The following CDC40 variants were observed in gnomAD, a reference collection of about 807,000 sequenced individuals.
The protein encoded by CDC40 is pre-mRNA-processing factor 17.
A neutral mutation model predicts 80.6 loss-of-function variants in CDC40; 27 were observed. That is an observed-to-expected ratio of 0.33 (90% CI 0.25 to 0.46). CDC40 has a LOEUF of 0.46. CDC40 is among the 20% of genes least tolerant of loss of function. The pLI is 1.00. For synonymous variants in CDC40, 221 were observed against 232.6 expected (o/e 0.95, Z 0.45); for missense variants, 486 against 694.1 (o/e 0.70, Z 3.37).
chr6:110,181,791 C>T (rs1427337445), intron 1 of CDC40, among the ~76,000 whole-genome samples: 1 of 152,118 alleles, frequency 6.6e-6, no homozygotes, highest in African/African-American at 2.4e-5. Context: ...GAGTGATGTC[C>T]CAGGCCTTCC....
chr6:110,220,611 AT>A (rs1777760807), intron 12 of CDC40, among the ~76,000 whole-genome samples: 1 of 151,878 alleles, frequency 6.6e-6, no homozygotes, highest in Admixed American at 6.5e-5. Context: ...CGCCCGGCTA[AT>A]TTTTTGTATT....
chr6:110,223,060 G>T (rs1777798206), intron 12 of CDC40, among the ~76,000 whole-genome samples: 1 of 152,166 alleles, frequency 6.6e-6, no homozygotes. Flanking sequence ...TTCACACTCT[G>T]ATCAAACTGA....
At chr6:110,205,898 C>G (rs533625113) in intron 3 of CDC40, among the ~76,000 whole-genome samples, 14 of 152,038 alleles carry the variant, frequency 9.2e-5, no homozygotes, top group Non-Finnish European at 1.5e-4. Context: ...GGATTTGAAC[C>G]TGTGATTTCA....
chr6:110,221,535 C>G (rs1777775966), intron 12 of CDC40, among the ~76,000 whole-genome samples: 1 of 152,276 alleles, frequency 6.6e-6, no homozygotes, highest in South Asian at 2.1e-4. Flanking sequence ...TAAGATCTTT[C>G]TTAATTCAGA....
intron 3 of CDC40, among the ~76,000 whole-genome samples, chr6:110,202,635 A>G (rs1328713379): frequency 6.6e-6 from 1 of 152,218 alleles, no homozygotes; most frequent in East Asian, 1.9e-4. Flanking sequence ...TAAGGATTTA[A>G]AACTCTTCAG....
At chr6:110,204,659 C>CTTTTTTTT (rs55895216) in intron 3 of CDC40, among the ~76,000 whole-genome samples, 8 of 119,302 alleles carry the variant, frequency 6.7e-5, no homozygotes, top group African/African-American at 6.7e-5. Flanking sequence ...TCCTATTTCT[C>CTTTTTTTT]TTTTTTTTTT....
chr6:110,219,310 A>G (rs549975422), intron 10 of CDC40, 54 bp from the exon 11 acceptor site: 103 of 804,008 alleles, frequency 1.3e-4, no homozygotes, highest in Non-Finnish European at 2.0e-4. Flanking sequence ...TCTCACAGTC[A>G]TCTTTAAGTG....
At chr6:110,214,700 T>C (rs1000937067) in intron 8 of CDC40, among the ~76,000 whole-genome samples, 1 of 152,234 alleles carries the variant, frequency 6.6e-6, no homozygotes, top group Non-Finnish European at 1.5e-5. Context: ...TTGTTGAGAA[T>C]TGGATTCAAG....
chr6:110,197,133 G>C (rs545150606), intron 2 of CDC40, among the ~76,000 whole-genome samples: 1 of 152,228 alleles, frequency 6.6e-6, no homozygotes, highest in South Asian at 2.1e-4. Context: ...TCAGATCTCT[G>C]AGAGTTATCA....
intron 12 of CDC40, among the ~76,000 whole-genome samples, chr6:110,222,574 A>T (rs975118885): frequency 2.0e-5 from 3 of 151,718 alleles, no homozygotes; most frequent in African/African-American, 7.3e-5. Context: ...AAAAAAACAA[A>T]CAACAACAAC....
intron 12 of CDC40, among the ~76,000 whole-genome samples, chr6:110,223,545 C>T (rs11756892): frequency 0.065 from 9,899 of 152,156 alleles, 443 homozygotes; most frequent in African/African-American, 0.14. Flanking sequence ...ACTAGTGATA[C>T]TGGCCACTTG....
chr6:110,193,234 A>G lies in CDC40; in HGVS notation c.242A>G (p.Tyr81Cys), dbSNP rs1777374568. 1 of 1,609,614 alleles carries G rather than the reference A, an allele frequency of 6.2e-7. No homozygotes were observed. Among genetic ancestry groups the G allele is most frequent in the Non-Finnish European group, 8.5e-7 (1 of 1,175,918 alleles). ...HLDPAVKEVQ[Y>C]NPTYETMFAP... ...GACCCTGCCGTCAAAGAAGTTCAGTATAATCCTACCTATGAGACCATGTTT... is the reference window on the plus strand; with the variant it reads ...GACCCTGCCGTCAAAGAAGTTCAGTGTAATCCTACCTATGAGACCATGTTT... The change falls in exon 2 of 15, where the codon TAT becomes TGT. Residue 81 changes from tyrosine to cysteine, a missense_variant. By Grantham distance (194) the Tyr-to-Cys change is radical. Around this residue, in one of 3 missense-constraint regions of CDC40, gnomAD observed 381 missense variants for 492.1 expected, o/e 0.77. Coordinates refer to ENST00000307731, the MANE Select transcript of CDC40 (RefSeq NM_015891.3).
At chr6:110,203,890 C>T (rs1270996306) in intron 3 of CDC40, among the ~76,000 whole-genome samples, 1 of 152,150 alleles carries the variant, frequency 6.6e-6, no homozygotes, top group Non-Finnish European at 1.5e-5. Context: ...GTTCGACTTT[C>T]ATCTAGAATT....
intron 1 of CDC40, among the ~76,000 whole-genome samples, chr6:110,187,850 G>A (rs916958711): frequency 1.3e-5 from 2 of 152,166 alleles, no homozygotes; most frequent in African/African-American, 4.8e-5. Context: ...AATTTTTGTG[G>A]ATAATTGAAA....
At chr6:110,207,076 AG>A (rs937783859) in intron 3 of CDC40, among the ~76,000 whole-genome samples, 4 of 152,088 alleles carry the variant, frequency 2.6e-5, no homozygotes, top group African/African-American at 9.7e-5. Flanking sequence ...GCACTTTGGG[AG>A]GCCAAGGCGG....
intron 5 of CDC40, among the ~76,000 whole-genome samples, chr6:110,210,361 G>A (rs1436729538): frequency 1.3e-5 from 2 of 151,294 alleles, no homozygotes; most frequent in Non-Finnish European, 2.9e-5. Flanking sequence ...ACCAGCCTGG[G>A]CAACACAGTA....
chr6:110,207,461 T>C (rs1479240460), intron 3 of CDC40, 45 bp from the exon 4 acceptor site: 1 of 958,222 alleles, frequency 1.0e-6, no homozygotes, highest in South Asian at 1.4e-5. Context: ...AAAATGAATT[T>C]AAACAGCAAA....
chr6:110,202,744 T>C (rs1274124078), intron 3 of CDC40, among the ~76,000 whole-genome samples: 2 of 152,152 alleles, frequency 1.3e-5, no homozygotes, highest in Admixed American at 1.3e-4. Context: ...CACTAGGAAG[T>C]GGTGAGGTAG....
At chr6:110,214,071 G>T (rs2114665871) in intron 8 of CDC40, among the ~76,000 whole-genome samples, 1 of 152,120 alleles carries the variant, frequency 6.6e-6, no homozygotes, top group East Asian at 1.9e-4. Flanking sequence ...ATAATTCATG[G>T]ATATTAACAA....
Sources: gnomAD v4.1 joint callset for allele counts (sites outside exome capture counted in the v4.1 genomes callset) on GRCh38, gnomAD v4.1.1 for gene constraint, gnomAD v4.1.1 regional missense constraint, MANE v1.5 for transcripts, NCBI Gene and HGNC (gene_info 2026-07-23, HGNC 2026-07-21) for gene names.